The following KHDRBS2 variants were observed in gnomAD, a reference collection of about 807,000 sequenced individuals.
The protein encoded by KHDRBS2 is KH domain-containing, RNA-binding, signal transduction-associated protein 2.
KHDRBS2 carries 26 observed loss-of-function variants against 44.3 expected under a neutral mutation model. The observed-to-expected ratio is 0.59, with a 90% CI of 0.43 to 0.81. The LOEUF (loss-of-function observed/expected upper bound fraction) is 0.81, where lower values mean the gene tolerates loss of function less well. Ranked by LOEUF, KHDRBS2 falls within the 40% of genes least tolerant of loss-of-function variation. KHDRBS2 has a pLI of 0.00. For synonymous variants in KHDRBS2, 194 were observed against 151.1 expected (o/e 1.28, Z -2.08); for missense variants, 476 against 433.1 (o/e 1.10, Z -0.88).
In KHDRBS2 at chr6:62,286,161, G is replaced by T. The variant is rs1267715341; in HGVS notation, c.-213C>A. 4 of 551,088 alleles carry T rather than the reference G, an allele frequency of 7.3e-6. No homozygotes were observed. Among genetic ancestry groups the T allele is most frequent in the South Asian group, 2.3e-5 (1 of 44,290 alleles). 34.1% of individuals were successfully genotyped at this position (551,088 alleles called of 1,614,324 possible). ...CCCACACCTGCCCGTCCCTTCCGTC[G>T]TCCCTCGCTCGCGCAGAGCCCCGGC... On this transcript the variant is annotated 5_prime_UTR_variant, in exon 1 of 9. Transcript: ENST00000281156.
chr6:61,553,317 T>G, the KHDRBS2 span, among the ~76,000 whole-genome samples: 1 of 151,964 alleles, frequency 6.6e-6, no homozygotes, highest in East Asian at 1.9e-4. Context: ...TCTCTGAGAG[T>G]TTTTTTGTTG....
chr6:61,599,811 C>T, the KHDRBS2 span, among the ~76,000 whole-genome samples: 4 of 152,148 alleles, frequency 2.6e-5, no homozygotes, highest in Non-Finnish European at 5.9e-5. Context: ...TTCACACTGG[C>T]CACTGGAAAG....
chr6:61,989,685 T>C (rs1583999040), intron 3 of KHDRBS2, among the ~76,000 whole-genome samples: 1 of 151,876 alleles, frequency 6.6e-6, no homozygotes, highest in South Asian at 2.1e-4. Flanking sequence ...AAGAGGAGAG[T>C]TTTTCTGGGT....
the KHDRBS2 span, among the ~76,000 whole-genome samples, chr6:61,595,768 G>A: frequency 4.6e-5 from 7 of 151,380 alleles, no homozygotes; most frequent in East Asian, 1.9e-4. Flanking sequence ...GATATAAAAC[G>A]ATGTCAAAGT....
the KHDRBS2 span, among the ~76,000 whole-genome samples, chr6:61,638,865 T>C: frequency 1.3e-5 from 2 of 152,088 alleles, no homozygotes; most frequent in East Asian, 1.9e-4. Context: ...TTATCTTCTG[T>C]CTCTCCTATG....
chr6:61,836,726 G>A (rs1583082855), intron 6 of KHDRBS2, among the ~76,000 whole-genome samples: 1 of 151,796 alleles, frequency 6.6e-6, no homozygotes, highest in Non-Finnish European at 1.5e-5. Flanking sequence ...CACCATGGCT[G>A]TACTTAGTGT....
the KHDRBS2 span, among the ~76,000 whole-genome samples, chr6:61,634,336 C>A: frequency 2.0e-5 from 3 of 151,848 alleles, no homozygotes; most frequent in East Asian, 1.9e-4. Flanking sequence ...GCCACAAGGA[C>A]AGAAATAATC....
At chr6:62,220,756 G>GA (rs1830770098) in intron 1 of KHDRBS2, among the ~76,000 whole-genome samples, 1 of 151,500 alleles carries the variant, frequency 6.6e-6, no homozygotes, top group South Asian at 2.1e-4. Context: ...GGGAATCCAA[G>GA]AAAAAATATG....
At chr6:62,167,838 A>T (rs1250990961) in intron 2 of KHDRBS2, among the ~76,000 whole-genome samples, 1 of 152,156 alleles carries the variant, frequency 6.6e-6, no homozygotes, top group African/African-American at 2.4e-5. Context: ...TTTGGCTTTG[A>T]GTCGTAGTTT....
intron 2 of KHDRBS2, among the ~76,000 whole-genome samples, chr6:62,149,276 C>T (rs886787965): frequency 2.6e-5 from 4 of 152,082 alleles, no homozygotes; most frequent in Non-Finnish European, 4.4e-5. Context: ...CGGGCTTTTA[C>T]GTACTCACTT....
chr6:61,773,557 G>A (rs1197013627), intron 6 of KHDRBS2, among the ~76,000 whole-genome samples: 2 of 149,434 alleles, frequency 1.3e-5, no homozygotes, highest in Admixed American at 6.7e-5. Flanking sequence ...TTTGTCAGAA[G>A]AGTAGGTTGC....
At chr6:62,185,036 G>A (rs1259309465) in intron 1 of KHDRBS2, among the ~76,000 whole-genome samples, 1 of 151,854 alleles carries the variant, frequency 6.6e-6, no homozygotes, top group African/African-American at 2.4e-5. Flanking sequence ...TCTTAAGCAA[G>A]TTAGTTAGCC....
chr6:62,030,431 T>G (rs189973368), intron 3 of KHDRBS2, among the ~76,000 whole-genome samples: 1 of 152,192 alleles, frequency 6.6e-6, no homozygotes. Context: ...TCTAAATTGA[T>G]GCAGATGGCT....
chr6:62,090,579 CTTAT>C (rs1223868333), intron 2 of KHDRBS2, among the ~76,000 whole-genome samples: 1 of 150,624 alleles, frequency 6.6e-6, no homozygotes, highest in Non-Finnish European at 1.5e-5. Context: ...TTTAATTTTA[CTTAT>C]TTAATTTTTT....
intron 3 of KHDRBS2, among the ~76,000 whole-genome samples, chr6:62,036,969 C>G (rs1340510808): frequency 6.6e-6 from 1 of 151,934 alleles, no homozygotes; most frequent in East Asian, 1.9e-4. Context: ...CCACAGTTAT[C>G]CTCATAATAT....
intron 6 of KHDRBS2, among the ~76,000 whole-genome samples, chr6:61,809,065 G>T (rs771009186): frequency 6.6e-6 from 1 of 151,510 alleles, no homozygotes; most frequent in Non-Finnish European, 1.5e-5. Flanking sequence ...CTATGTTTTA[G>T]CCAGTGAACT....
chr6:62,175,007 G>A (rs1197331966), intron 2 of KHDRBS2, among the ~76,000 whole-genome samples: 1 of 151,364 alleles, frequency 6.6e-6, no homozygotes, highest in Non-Finnish European at 1.5e-5. Context: ...AAAATGAACA[G>A]CAGGAAAAAA....
In KHDRBS2 at chr6:61,959,023, T is replaced by C. The variant is rs118011463; in HGVS notation, c.483+19043A>G. ...GGTGCCACTACAACCTCAACTGGTG[T>C]CACTTCAACAACGTCTGTTCTTCAA... On this transcript the variant is annotated intron_variant, in intron 4 of 8. Coordinates refer to ENST00000281156, the MANE Select transcript of KHDRBS2 (RefSeq NM_152688.4). Among the ~76,000 whole-genome samples the C allele has an allele frequency of 1.7e-3, 257 of 152,296 alleles. 6 individuals are homozygous for C. The East Asian group carries it at 0.023, about 14-fold the overall frequency.
chr6:62,226,982 G>A (rs1019969814), intron 1 of KHDRBS2, among the ~76,000 whole-genome samples: 1 of 151,996 alleles, frequency 6.6e-6, no homozygotes, highest in African/African-American at 2.4e-5. Context: ...TGTTCTTTTT[G>A]CTAGGATTAT....
Sources: gnomAD v4.1 joint callset for allele counts (sites outside exome capture counted in the v4.1 genomes callset) on GRCh38, gnomAD v4.1.1 for gene constraint, MANE v1.5 for transcripts, NCBI Gene and HGNC (gene_info 2026-07-23, HGNC 2026-07-21) for gene names.